Variants in SMAD6 observed in about 807,000 individuals in gnomAD.
The protein encoded by SMAD6 is SMAD family member 6, also known as MAD homolog 6.
Under a neutral mutation model 39.4 loss-of-function variants are expected in SMAD6, and 103 were observed. The observed-to-expected ratio is 2.62, with a 90% CI of 2.23 to 3.08. The LOEUF is 3.08. Among genes scored for constraint, SMAD6 ranks in the 30% most tolerant of loss-of-function variants. The probability of loss-of-function intolerance (pLI) is 0.00; values close to 1 mark genes in which losing one functional copy is unlikely to be tolerated. For synonymous variants in SMAD6, 445 were observed against 353.3 expected (o/e 1.26, Z -2.91); for missense variants, 1,104 against 742.9 (o/e 1.49, Z -5.65).
rs1045996394 is a variant in SMAD6 at position 66,747,260 on chromosome 15, A to G, written c.952+30762A>G. ...GCATGGCCAGGCCAGCGGGATATGG[A>G]TGGGCCATGGGCCTCTGGCTGCCAA... is the stretch of plus-strand genomic sequence containing the variant. On this transcript the variant is annotated intron_variant, in intron 3 of 3. Coordinates refer to ENST00000288840, the MANE Select transcript of SMAD6 (RefSeq NM_005585.5). The surrounding 1 kb of genome is among the most constrained non-coding windows in gnomAD (Gnocchi z 4.5). Among the ~76,000 whole-genome samples the G allele has an allele frequency of 6.6e-6, 1 of 152,224 alleles. No homozygotes were observed. Among genetic ancestry groups the G allele is most frequent in the Non-Finnish European group, 1.5e-5 (1 of 68,038 alleles).
intron 1 of SMAD6, among the ~76,000 whole-genome samples, chr15:66,711,414 T>C (rs1206737802): frequency 6.6e-6 from 1 of 152,142 alleles, no homozygotes; most frequent in Non-Finnish European, 1.5e-5. Flanking sequence ...GGAAACAGGC[T>C]CAGAGAGGTG....
intron 3 of SMAD6, among the ~76,000 whole-genome samples, chr15:66,730,053 C>T (rs1893598868): frequency 6.6e-6 from 1 of 152,210 alleles, no homozygotes; most frequent in Non-Finnish European, 1.5e-5. Flanking sequence ...ACCAGCCCTC[C>T]GTCAGACCCT....
At chr15:66,753,708 G>A (rs1335497766) in intron 3 of SMAD6, among the ~76,000 whole-genome samples, 1 of 152,196 alleles carries the variant, frequency 6.6e-6, no homozygotes, top group South Asian at 2.1e-4. Flanking sequence ...CTTCCTCAAA[G>A]ATCCTCATTG....
In SMAD6 at chr15:66,703,939, C is replaced by T. The variant is rs1296608228; in HGVS notation, c.681C>T (p.Gly227=). The T allele has an allele frequency of 1.5e-5, 21 of 1,381,044 alleles. No individual in the cohort carries two copies. The highest frequency in any genetic ancestry group is 2.6e-4 in the Middle Eastern group (1 of 3,914). 85.5% of individuals were successfully genotyped at this position (1,381,044 alleles called of 1,614,324 possible). ...CCGCGCCGCCGCAGCTGCTGCTCGG[C>T]CGCCTCTTTCGCTGGCCCGACCTGC... The part of the protein sequence containing the change: ...GQPAPPQLLL[G]RLFRWPDLQH... The change falls in exon 1 of 4, where the codon GGC becomes GGT. Residue 227 remains glycine (G), a synonymous_variant. Coordinates refer to ENST00000288840, the MANE Select transcript of SMAD6 (RefSeq NM_005585.5).
At chr15:66,772,521 GTCAA>G (rs1381537356) in intron 3 of SMAD6, among the ~76,000 whole-genome samples, 1 of 152,178 alleles carries the variant, frequency 6.6e-6, no homozygotes, top group Admixed American at 6.5e-5. Flanking sequence ...TACAGGCTGA[GTCAA>G]TCTATCATAT....
At chr15:66,759,683 T>C (rs1894165453) in intron 3 of SMAD6, among the ~76,000 whole-genome samples, 1 of 152,254 alleles carries the variant, frequency 6.6e-6, no homozygotes, top group African/African-American at 2.4e-5. Context: ...TAAATAGGCT[T>C]CACAAATAAA....
intron 2 of SMAD6, among the ~76,000 whole-genome samples, chr15:66,715,207 G>T (rs1168986850): frequency 6.7e-6 from 1 of 150,288 alleles, no homozygotes; most frequent in African/African-American, 2.5e-5. Flanking sequence ...TCACTTCTAA[G>T]CCTCTGTGAT....
At chr15:66,708,731 GAC>G (rs1439665683) in intron 1 of SMAD6, 1 of 471,764 alleles carries the variant, frequency 2.1e-6, no homozygotes, top group South Asian at 1.5e-5. Context: ...AACCCATAGA[GAC>G]ACAAAGTAAG....
rs563071301 is a variant in SMAD6, at chr15:66,754,598, GC to G, written c.953-26398del. 1.6e-4 allele frequency among the ~76,000 whole-genome samples: 24 copies of G among 152,288 alleles called. 1 individual carries two copies. In the South Asian group the frequency reaches 4.1e-3, roughly 26 times the overall value. Reference sequence around the variant, plus strand: ...AGTGATTTCTCTGAGTGCCTTCTATGCTGGGCTTTGTAGGGTTATGCAGAAT... The same window carrying G: ...AGTGATTTCTCTGAGTGCCTTCTATGTGGGCTTTGTAGGGTTATGCAGAAT... On this transcript the variant is annotated intron_variant, in intron 3 of 3. Coordinates refer to ENST00000288840, the MANE Select transcript of SMAD6 (RefSeq NM_005585.5).
chr15:66,729,055 A>G (rs1470121251), intron 3 of SMAD6, among the ~76,000 whole-genome samples: 1 of 152,008 alleles, frequency 6.6e-6, no homozygotes, highest in Non-Finnish European at 1.5e-5. Context: ...TGGTTCATTT[A>G]CCCTCTTACA....
At chr15:66,732,377 C>G (rs2439388) in intron 3 of SMAD6, among the ~76,000 whole-genome samples, 118,279 of 152,126 alleles carry the variant, frequency 0.78, 46,359 homozygotes, top group East Asian at 0.95. Context: ...AAAGAAACAG[C>G]GTCTCACTCT....
chr15:66,707,503 CT>C (rs1893139652), intron 1 of SMAD6: 1 of 152,312 alleles, frequency 6.6e-6, no homozygotes, highest in South Asian at 2.1e-4. Context: ...TCAAGTTGGG[CT>C]TCCAAGCCCC....
At chr15:66,765,889 C>G (rs186648847) in intron 3 of SMAD6, among the ~76,000 whole-genome samples, 2 of 152,262 alleles carry the variant, frequency 1.3e-5, no homozygotes, top group Non-Finnish European at 2.9e-5. Context: ...TCAAAAGTCC[C>G]GGCCTGCAAG....
In SMAD6 at chr15:66,768,648, G is replaced by A. The variant is rs367904782; in HGVS notation, c.953-12349G>A. 2.9e-4 allele frequency among the ~76,000 whole-genome samples: 44 copies of A among 152,294 alleles called. 2 individuals carry two copies. In the South Asian group the frequency reaches 5.8e-3, roughly 20 times the overall value. ...TGCATCAGGAGGATCAGCAAATGGG[G>A]ACAATGGTTCTCCTCACCTACCTAA... is the stretch of plus-strand genomic sequence containing the variant. On this transcript the variant is annotated intron_variant, in intron 3 of 3. Coordinates refer to ENST00000288840, the MANE Select transcript of SMAD6 (RefSeq NM_005585.5).
At chr15:66,718,818 G>A (rs1893380108) in intron 3 of SMAD6, among the ~76,000 whole-genome samples, 1 of 152,214 alleles carries the variant, frequency 6.6e-6, no homozygotes. Context: ...GGCCTAGGGG[G>A]TGACAGGTCT....
chr15:66,737,860 G>T (rs1008859717), intron 3 of SMAD6, among the ~76,000 whole-genome samples: 2 of 152,120 alleles, frequency 1.3e-5, no homozygotes, highest in Admixed American at 6.5e-5. Flanking sequence ...CTTCACTCTG[G>T]ATAAACATGG....
At chr15:66,737,567 G>A (rs956293295) in intron 3 of SMAD6, among the ~76,000 whole-genome samples, 10 of 152,074 alleles carry the variant, frequency 6.6e-5, no homozygotes, top group Non-Finnish European at 1.0e-4. Flanking sequence ...GTGGGGTCCC[G>A]TCTTTCCTCC....
rs767259025 is a variant in SMAD6, at chr15:66,716,446, C to T, written c.900C>T (p.Tyr300=). Residue 300 remains tyrosine, a synonymous_variant, in exon 3 of 4, where the codon TAC becomes TAT. Coordinates refer to ENST00000288840, the MANE Select transcript of SMAD6 (RefSeq NM_005585.5). ...ATCTGTCCGATTCCACATTGTCTTA[C>T]ACTGAAACGGAGGCTACCAACTCCC... ...PLDLSDSTLS[Y]TETEATNSLI... 1 of 1,613,708 alleles carries T rather than the reference C, an allele frequency of 6.2e-7. No homozygotes were observed. Among genetic ancestry groups the T allele is most frequent in the African/African-American group, 1.3e-5 (1 of 74,926 alleles).
intron 3 of SMAD6, among the ~76,000 whole-genome samples, chr15:66,769,716 TA>T (rs1302905941): frequency 6.6e-6 from 1 of 152,214 alleles, no homozygotes; most frequent in Non-Finnish European, 1.5e-5. Flanking sequence ...AGAAGAAGTT[TA>T]AGGCAGGAGG....
Sources: gnomAD v4.1 joint callset for allele counts (sites outside exome capture counted in the v4.1 genomes callset) on GRCh38, gnomAD v4.1.1 for gene constraint, Gnocchi (gnomAD v3.1) non-coding constraint, MANE v1.5 for transcripts, NCBI Gene and HGNC (gene_info 2026-07-23, HGNC 2026-07-21) for gene names.